MUC5B: variants seen among roughly 807,000 people sequenced by gnomAD.
MUC5B encodes the protein mucin 5B, oligomeric mucus/gel-forming.
Under a neutral mutation model 376.9 loss-of-function variants are expected in MUC5B, and 116 were observed. That is an observed-to-expected ratio of 0.31 (90% CI 0.26 to 0.36). MUC5B has a LOEUF of 0.36. Among genes scored for constraint, MUC5B ranks in the 10% least tolerant of loss-of-function variants. The pLI, the probability that MUC5B is intolerant of heterozygous loss-of-function variation, is 1.00. For missense variants in MUC5B, 7,165 were observed against 7,769.9 expected (o/e 0.92, Z 2.93); for synonymous variants, 3,517 against 3,390.9 (o/e 1.04, Z -1.29).
Position 1,247,275 on chromosome 11 carries a change from C to T in MUC5B, c.10395C>T (p.His3465=). Residue 3465 remains histidine (H), a synonymous_variant, in exon 31 of 49, where the codon CAC becomes CAT. Transcript: ENST00000529681. ...GGTCCCTGCCCCCCAGCAGTCCCCA[C>T]ACGGTGCGCACAGCCTGGACTTCGG... ...HGRSLPPSSP[H]TVRTAWTSAT... is the part of the protein sequence containing the mutation. The T allele has an allele frequency of 4.3e-6, 7 of 1,612,082 alleles. No individual in the cohort carries two copies. Among genetic ancestry groups the T allele is most frequent in the Non-Finnish European group, 5.9e-6 (7 of 1,179,552 alleles).
Position 1,240,901 on chromosome 11 carries a change from T to G in MUC5B, c.4021T>G (p.Ser1341Ala). The change falls in exon 31 of 49, where the codon TCC becomes GCC. Residue 1341 changes from serine (S) to alanine (A), a missense_variant. Ser to Ala is a moderately conservative substitution (Grantham distance 99, BLOSUM62 1). Around this residue, in one of 31 missense-constraint regions of MUC5B, gnomAD observed 517 missense variants for 545.3 expected, o/e 0.95. Coordinates refer to ENST00000529681, the MANE Select transcript of MUC5B (RefSeq NM_002458.3). ...TVCVREVCRW[S>A]SWYNGHRPEP... The stretch of plus-strand genomic sequence containing the variant: ...GTGTGTCCGCGAGGTCTGCCGCTGG[T>G]CCAGCTGGTACAATGGGCACCGCCC... 1 of 1,612,630 alleles carries G rather than the reference T, an allele frequency of 6.2e-7. No individual in the cohort carries two copies. Among genetic ancestry groups the G allele is most frequent in the Non-Finnish European group, 8.5e-7 (1 of 1,179,814 alleles).
rs370339341 is a variant in MUC5B at position 1,247,223 on chromosome 11, C to T, written c.10343C>T (p.Pro3448Leu). The T allele has an allele frequency of 2.2e-4, 347 of 1,574,030 alleles. 2 individuals are homozygous for T. The highest frequency in any genetic ancestry group is 1.5e-3 in the African/African-American group (112 of 74,318). Residue 3448 changes from proline (P) to leucine (L), a missense_variant, in exon 31 of 49, where the codon CCG becomes CTG. Physicochemically the swap from Pro to Leu is moderately conservative, Grantham distance 98. Coordinates refer to ENST00000529681, the MANE Select transcript of MUC5B (RefSeq NM_002458.3). ...ALGTTHTPPV[P>L]NTTATTHGRS... The stretch of plus-strand genomic sequence containing the variant: ...GGGACCACCCACACACCCCCAGTGC[C>T]GAACACCACGGCCACCACACACGGG...
rs199966165 is a variant in MUC5B, at chr11:1,248,212, G to A, written c.11332G>A (p.Ala3778Thr). The A allele has an allele frequency of 2.5e-3, 3,842 of 1,550,042 alleles. 243 individuals are homozygous for A. The highest frequency in any genetic ancestry group is 2.5e-3 in the Non-Finnish European group (2,845 of 1,130,510). ...CTTCTCCAGTCCAGGGACTGCAACC[G>A]CCCTTCCAGCACTGAGAAGCACAGC... Reference protein sequence around the residue: ...TPFSSPGTATALPALRSTATT... With the variant: ...TPFSSPGTATTLPALRSTATT... The change falls in exon 31 of 49, where the codon GCC (alanine) becomes ACC (threonine). Residue 3778 changes from alanine (A) to threonine (T), a missense_variant. Physicochemically the swap from Ala to Thr is moderately conservative, Grantham distance 58. Around this residue, in one of 31 missense-constraint regions of MUC5B, gnomAD observed 72 missense variants for 127.8 expected, o/e 0.56. Transcript: ENST00000529681.
At position 1,257,835 on chromosome 11, in the gene MUC5B, G is replaced by C. The variant is rs1053174103; in HGVS notation, c.16450+125G>C. ...AGCCACTGTGTCCTGGCGTGACCGC[G>C]GCAGGACCACTCGGCAGAGATGGCC... is the stretch of plus-strand genomic sequence containing the variant. On this transcript the variant is annotated intron_variant, in intron 41 of 48. Coordinates refer to ENST00000529681, the MANE Select transcript of MUC5B (RefSeq NM_002458.3). This position sits in a 1 kb window ranked among gnomAD's most constrained non-coding sequence, Gnocchi z 8.9. 8.4e-7 allele frequency: 1 copy of C among 1,192,020 alleles called. No homozygotes were observed. The highest frequency in any genetic ancestry group is 1.1e-6 in the Non-Finnish European group (1 of 871,652). The allele number at this position is 1,192,020 out of a possible 1,614,324, so 73.8% of individuals were successfully genotyped here.
chr11:1,229,652 G>T, intron 9 of MUC5B, 38 bp from the exon 10 acceptor site: 1 of 1,507,910 alleles, frequency 6.6e-7, no homozygotes, highest in Non-Finnish European at 8.9e-7. Flanking sequence ...GGTGTCCCCC[G>T]TGCATGGGCC....
rs80200632 is a variant in MUC5B at position 1,236,969 on chromosome 11, C to G, written c.3102C>G (p.Ile1034Met). 2 of 1,539,280 alleles carry G rather than the reference C, an allele frequency of 1.3e-6. No individual in the cohort carries two copies. The highest frequency in any genetic ancestry group is 1.7e-4 in the Middle Eastern group (1 of 5,812). Reference protein sequence around the residue: ...GLCGNFDDNAINDFATRSRSV... With the variant: ...GLCGNFDDNAMNDFATRSRSV... The stretch of plus-strand genomic sequence containing the variant: ...GCGGGAACTTCGACGACAATGCCAT[C>G]AATGACTTTGCCACGCGTAGCCGGT... The change falls in exon 25 of 49, where the codon ATC becomes ATG. Residue 1034 changes from isoleucine (I) to methionine (M), a missense_variant. Ile to Met is a conservative substitution (Grantham distance 10). Around this residue, in one of 31 missense-constraint regions of MUC5B, gnomAD observed 143 missense variants for 193.2 expected, o/e 0.74. Coordinates refer to ENST00000529681, the MANE Select transcript of MUC5B (RefSeq NM_002458.3).
intron 18 of MUC5B, 72 bp from the exon 19 acceptor site, chr11:1,233,721 G>T (rs1169203812): frequency 8.8e-6 from 13 of 1,478,404 alleles, no homozygotes; most frequent in African/African-American, 1.4e-5. Flanking sequence ...TTCGGCGGGG[G>T]CTCGGAAGCC....
Position 1,229,987 on chromosome 11 carries a change from C to A in MUC5B, c.1221-18C>A. ...CTCCTCCCGACATGCCGGTTCTGCT[C>A]ACGGCCTCCCTCCCCAGCACCTGCT... On this transcript the variant is annotated intron_variant, in intron 10 of 48. Transcript: ENST00000529681. The A allele has an allele frequency of 6.3e-7, 1 of 1,578,746 alleles. No homozygotes were observed.
In MUC5B at chr11:1,242,582, C is replaced by A. The variant is rs371425310; in HGVS notation, c.5702C>A (p.Pro1901Gln). ...TSSTATPSST[P>Q]GTTWILTKPT... is the part of the protein sequence containing the mutation. ...TCCACGGCCACGCCCTCCTCAACTC[C>A]GGGGACGACCTGGATCCTCACAAAG... Residue 1901 changes from proline (P) to glutamine (Q), a missense_variant, in exon 31 of 49, where the codon CCG (proline) becomes CAG (glutamine). This residue lies in a region of MUC5B where 897 missense variants were observed against 779.6 expected (regional missense o/e 1.15). Coordinates refer to ENST00000529681, the MANE Select transcript of MUC5B (RefSeq NM_002458.3). The A allele has an allele frequency of 1.2e-6, 2 of 1,613,656 alleles. No individual in the cohort carries two copies. The highest frequency in any genetic ancestry group is 1.1e-5 in the South Asian group (1 of 91,080).
Position 1,235,156 on chromosome 11 carries a change from G to A in MUC5B, c.2702G>A (p.Gly901Asp). 6.2e-7 allele frequency: 1 copy of A among 1,613,028 alleles called. No homozygotes were observed. Among genetic ancestry groups the A allele is most frequent in the Non-Finnish European group, 8.5e-7 (1 of 1,179,712 alleles). The change falls in exon 22 of 49, where the codon GGC becomes GAC. Residue 901 changes from glycine (G) to aspartate (D), a missense_variant. Physicochemically the swap from Gly to Asp is moderately conservative, Grantham distance 94 (BLOSUM62 -1). Around this residue, in one of 31 missense-constraint regions of MUC5B, gnomAD observed 530 missense variants for 604.0 expected, o/e 0.88. Transcript: ENST00000529681. ...GGCACCTGCGTGGCCTACGGGGATG[G>A]CCACTTCATCACCTTTGATGGCGAT... is the stretch of plus-strand genomic sequence containing the variant. ...CLGTCVAYGD[G>D]HFITFDGDRY...
In MUC5B at chr11:1,235,069, T is replaced by C. The variant is rs541954688; in HGVS notation, c.2631-16T>C. On this transcript the variant is annotated splice_polypyrimidine_tract_variant and intron_variant, in intron 21 of 48. Transcript: ENST00000529681. ...AGCAGGCCCCTGTGAGCAGGCACCA[T>C]TGTGGCCCCTTGCAGCACCTGCAGG... 3.3e-5 allele frequency: 53 copies of C among 1,605,408 alleles called. No homozygotes were observed. The highest frequency in any genetic ancestry group is 2.3e-4 in the South Asian group (21 of 90,308).
At position 1,247,238 on chromosome 11, in the gene MUC5B, C is replaced by T; in HGVS notation, c.10358C>T (p.Thr3453Ile). 1.9e-6 allele frequency: 3 copies of T among 1,612,524 alleles called. No individual in the cohort carries two copies. The highest frequency in any genetic ancestry group is 2.5e-6 in the Non-Finnish European group (3 of 1,179,558). ...CCCCCAGTGCCGAACACCACGGCCA[C>T]CACACACGGGCGGTCCCTGCCCCCC... ...HTPPVPNTTA[T>I]THGRSLPPSS... The change falls in exon 31 of 49, where the codon ACC (threonine) becomes ATC (isoleucine). Residue 3453 changes from threonine (T) to isoleucine (I), a missense_variant. By Grantham distance (89) the Thr-to-Ile change is moderately conservative. Around this residue, in one of 31 missense-constraint regions of MUC5B, gnomAD observed 939 missense variants for 770.6 expected, o/e 1.22. Transcript: ENST00000529681.
At position 1,252,800 on chromosome 11, in the gene MUC5B, C is replaced by G. The variant is rs1424172766; in HGVS notation, c.15046-9C>G. 6.3e-7 allele frequency: 1 copy of G among 1,599,956 alleles called. No homozygotes were observed. Among genetic ancestry groups the G allele is most frequent in the South Asian group, 1.1e-5 (1 of 88,830 alleles). On this transcript the variant is annotated splice_polypyrimidine_tract_variant and intron_variant, in intron 32 of 48. Coordinates refer to ENST00000529681, the MANE Select transcript of MUC5B (RefSeq NM_002458.3). ...GTCCAGGTGAGGACGTGCATGTTCC[C>G]TGCCCCAGGTGAATGAGACCTGGAC... is the stretch of plus-strand genomic sequence containing the variant.
At position 1,257,294 on chromosome 11, in the gene MUC5B, G is replaced by T; in HGVS notation, c.16269+23G>T. The T allele has an allele frequency of 1.3e-6, 1 of 783,120 alleles. No individual in the cohort carries two copies. Among genetic ancestry groups the T allele is most frequent in the South Asian group, 1.3e-5 (1 of 74,648 alleles). 48.5% of individuals were successfully genotyped at this position (783,120 alleles called of 1,614,324 possible). ...TTTGTGAGTGGCTCCACCCCCACCT[G>T]CCCTACCCCACCCTCTCGCGAGCTG... On this transcript the variant is annotated intron_variant, in intron 40 of 48. Coordinates refer to ENST00000529681, the MANE Select transcript of MUC5B (RefSeq NM_002458.3). The surrounding 1 kb of genome is among the most constrained non-coding windows in gnomAD (Gnocchi z 8.9).
chr11:1,254,714 G>A lies in MUC5B; in HGVS notation c.15498G>A (p.Pro5166=), dbSNP rs368350198. Residue 5166 remains proline, a synonymous_variant, in exon 35 of 49, where the codon CCG becomes CCA. Transcript: ENST00000529681. ...CCCAGATCCTGTTTGACCAAATTCC[G>A]GTGAGCAGCGGTTTCAGCAAGAACG... ...EEGLILFDQI[P]VSSGFSKNGV... 5.0e-5 allele frequency: 81 copies of A among 1,612,554 alleles called. No homozygotes were observed. Among genetic ancestry groups the A allele is most frequent in the Non-Finnish European group, 5.9e-5 (70 of 1,179,674 alleles).
At position 1,240,210 on chromosome 11, in the gene MUC5B, A is replaced by G. The variant is rs769168554; in HGVS notation, c.3805A>G (p.Ser1269Gly). The G allele has an allele frequency of 2.5e-6, 4 of 1,611,938 alleles. No homozygotes were observed. The highest frequency in any genetic ancestry group is 2.5e-6 in the Non-Finnish European group (3 of 1,178,438). Residue 1269 changes from serine to glycine, a missense_variant, in exon 30 of 49, where the codon AGC becomes GGC. This residue lies in a region of MUC5B where 517 missense variants were observed against 545.3 expected (regional missense o/e 0.95). Coordinates refer to ENST00000529681, the MANE Select transcript of MUC5B (RefSeq NM_002458.3). Reference sequence around the variant, plus strand: ...CTGCACCTATGAGGACAGGACCTACAGCTACCAGGACGTCATCTACAACAC... The same window carrying G: ...CTGCACCTATGAGGACAGGACCTACGGCTACCAGGACGTCATCTACAACAC... ...CTCTYEDRTY[S>G]YQDVIYNTTD...
chr11:1,225,598 G>C, intron 1 of MUC5B, 83 bp from the exon 2 acceptor site: 1 of 1,284,064 alleles, frequency 7.8e-7, no homozygotes, highest in Non-Finnish European at 1.1e-6. Context: ...TGCCGCACCA[G>C]GGATGTGGCC....
chr11:1,260,613 TTCC>T lies in MUC5B; in HGVS notation c.16967-6_16967-4del. On this transcript the variant is annotated splice_polypyrimidine_tract_variant and intron_variant, in intron 47 of 48. Transcript: ENST00000529681. ...GTCCAGTGGGGCTCCACATCTGCCT[TTCC>T]TCCTCCCAGACTCCTGTCAAGTCCG... The T allele has an allele frequency of 6.2e-7, 1 of 1,608,786 alleles. No individual in the cohort carries two copies. Among genetic ancestry groups the T allele is most frequent in the Non-Finnish European group, 8.5e-7 (1 of 1,177,056 alleles).
Position 1,247,971 on chromosome 11 carries a change from C to T in MUC5B, c.11091C>T (p.Thr3697=), listed in dbSNP as rs768579970. Residue 3697 remains threonine, a synonymous_variant, in exon 31 of 49, where the codon ACC becomes ACT. Transcript: ENST00000529681. ...PGTTWILTKL[T]TTATTTESTG... is the part of the protein sequence containing the mutation. ...CGACCTGGATCCTCACAAAGCTGAC[C>T]ACAACAGCCACTACGACTGAGTCCA... is the stretch of plus-strand genomic sequence containing the variant. The T allele has an allele frequency of 7.5e-6, 12 of 1,610,730 alleles. No individual in the cohort carries two copies. The highest frequency in any genetic ancestry group is 1.7e-5 in the Admixed American group (1 of 59,946).
Sources: allele counts gnomAD v4.1 joint callset, GRCh38; gene constraint gnomAD v4.1.1; regional missense constraint gnomAD v4.1.1; non-coding constraint Gnocchi (gnomAD v3.1); transcripts MANE v1.5; gene names NCBI Gene and HGNC (gene_info 2026-07-23, HGNC 2026-07-21).